C20orf96: variants seen among roughly 807,000 people sequenced by gnomAD.
C20orf96 encodes the protein chromosome 20 open reading frame 96.
C20orf96 carries 57 observed loss-of-function variants against 52.6 expected under a neutral mutation model. The observed-to-expected ratio is 1.08, with a 90% CI of 0.88 to 1.35. The LOEUF (loss-of-function observed/expected upper bound fraction) is 1.35, where lower values mean the gene tolerates loss of function less well. C20orf96 is among the 40% of genes most tolerant of loss of function. C20orf96 has a pLI of 0.00. For synonymous variants in C20orf96, 168 were observed against 157.2 expected (o/e 1.07, Z -0.51); for missense variants, 478 against 443.6 (o/e 1.08, Z -0.70).
At chr20:278,515 G>A (rs6035505) in intron 5 of C20orf96, 86 bp from the exon 6 acceptor site, 322,224 of 937,070 alleles carry the variant, frequency 0.34, 57,020 homozygotes, top group East Asian at 0.38. Flanking sequence ...GGAGTCCCCA[G>A]TCCCAACCTC....
intron 1 of C20orf96, 121 bp from the exon 2 acceptor site, chr20:290,428 C>G: frequency 6.5e-7 from 1 of 1,545,540 alleles, no homozygotes; most frequent in South Asian, 1.2e-5. Context: ...GGACAATAGC[C>G]CCGCGGGAGT....
At chr20:272,106 GA>G (rs569647013) in intron 10 of C20orf96, among the ~76,000 whole-genome samples, 2,425 of 123,462 alleles carry the variant, frequency 0.02, 30 homozygotes, top group Middle Eastern at 0.047. Context: ...AACCAACATA[GA>G]AAAAAAAAAA....
intron 3 of C20orf96, among the ~76,000 whole-genome samples, chr20:285,139 A>C (rs2012351169): frequency 1.3e-5 from 2 of 152,232 alleles, no homozygotes; most frequent in African/African-American, 4.8e-5. Flanking sequence ...CCACAACACC[A>C]GACGAAGGCA....
chr20:278,426 T>C lies in C20orf96; in HGVS notation c.469A>G (p.Ile157Val), dbSNP rs2012100507. ...LLQQQDTLAT[I>V]IDILEYSNKK... ...TTTGAGTACTCCAAGATGTCGATGA[T>C]GGTCTGCGGGAGGGGTGGAGTCAAC... Residue 157 changes from isoleucine to valine, a missense_variant, in exon 6 of 11, where the codon ATC (isoleucine) becomes GTC (valine). Ile to Val is a conservative substitution (Grantham distance 29). Transcript: ENST00000360321. The C allele has an allele frequency of 1.2e-6, 2 of 1,613,504 alleles. No homozygotes were observed. The highest frequency in any genetic ancestry group is 1.7e-5 in the Admixed American group (1 of 60,014).
In C20orf96 at chr20:279,343, G is replaced by A. The variant is rs756424913; in HGVS notation, c.307-13C>T. ...TCCTGAGCGAGGTCTGCGGGCGGAG[G>A]GAAGAGCAGAGAGGCGGCGCTGCGC... is the stretch of plus-strand genomic sequence containing the variant. On this transcript the variant is annotated splice_polypyrimidine_tract_variant and intron_variant, in intron 4 of 10. Transcript: ENST00000360321. 1.9e-6 allele frequency: 3 copies of A among 1,600,030 alleles called. No individual in the cohort carries two copies. The highest frequency in any genetic ancestry group is 1.1e-5 in the South Asian group (1 of 90,966).
chr20:272,862 T>C (rs762851613), intron 10 of C20orf96, among the ~76,000 whole-genome samples: 1 of 152,158 alleles, frequency 6.6e-6, no homozygotes, highest in Non-Finnish European at 1.5e-5. Flanking sequence ...ATTTCTCCCA[T>C]TTCTTCTGCC....
chr20:287,103 T>C (rs1445314562), intron 3 of C20orf96, among the ~76,000 whole-genome samples: 1 of 152,242 alleles, frequency 6.6e-6, no homozygotes, highest in Non-Finnish European at 1.5e-5. Flanking sequence ...TGAGGAATTA[T>C]GAACGAGGCT....
At chr20:285,618 G>A (rs539363885) in intron 3 of C20orf96, among the ~76,000 whole-genome samples, 37 of 152,232 alleles carry the variant, frequency 2.4e-4, no homozygotes, top group Admixed American at 5.2e-4. Flanking sequence ...TATTAGCTCC[G>A]TTGCCCAGGC....
chr20:288,423 G>A (rs1359075317), intron 3 of C20orf96, among the ~76,000 whole-genome samples: 1 of 152,036 alleles, frequency 6.6e-6, no homozygotes, highest in Non-Finnish European at 1.5e-5. Flanking sequence ...GATGAGTGGG[G>A]AGGTCATCTT....
chr20:285,642 C>T (rs199626454), intron 3 of C20orf96, among the ~76,000 whole-genome samples: 1 of 152,144 alleles, frequency 6.6e-6, no homozygotes, highest in Non-Finnish European at 1.5e-5. Flanking sequence ...TGTTCAATGG[C>T]GAGATCTCGG....
chr20:276,110 G>T (rs200889477), intron 9 of C20orf96, 24 bp from the exon 10 acceptor site: 6 of 1,602,890 alleles, frequency 3.7e-6, no homozygotes, highest in Non-Finnish European at 5.1e-6. Context: ...CACAGCAGGG[G>T]AGAAGGGAGA....
intron 4 of C20orf96, 137 bp from the exon 5 acceptor site, chr20:279,467 G>A: frequency 1.0e-6 from 1 of 994,190 alleles, no homozygotes; most frequent in Non-Finnish European, 1.4e-6. Flanking sequence ...CGCGGCCCAA[G>A]CTGGGCGGTT....
intron 3 of C20orf96, among the ~76,000 whole-genome samples, chr20:287,929 A>C (rs1487372170): frequency 6.7e-6 from 1 of 150,146 alleles, no homozygotes; most frequent in African/African-American, 2.4e-5. Context: ...AAAAAAAAAA[A>C]AGTCTTTCAC....
intron 10 of C20orf96, among the ~76,000 whole-genome samples, chr20:275,129 T>C (rs1006691742): frequency 2.6e-5 from 4 of 152,214 alleles, no homozygotes; most frequent in African/African-American, 2.4e-5. Flanking sequence ...TAAGAGTCAC[T>C]TTTGCAGTGG....
rs59153605 is a variant in C20orf96 at position 289,440 on chromosome 20, G to A, written c.187+119C>T. ...ACTTCTATATCAATACTTGCAATTT[G>A]GGCATTGTTTATTACATCAGTTAGC... On this transcript the variant is annotated intron_variant, in intron 3 of 10. Transcript: ENST00000360321. 5.0e-4 allele frequency: 349 copies of A among 699,544 alleles called. No individual in the cohort carries two copies. In the East Asian group the frequency reaches 7.5e-3, roughly 15 times the overall value. The allele number at this position is 699,544 out of a possible 1,614,324, so 43.3% of individuals were successfully genotyped here.
rs1485092665 is a variant in C20orf96 at position 277,274 on chromosome 20, C to G, written c.675G>C (p.Gln225His). 4 of 1,614,066 alleles carry G rather than the reference C, an allele frequency of 2.5e-6. No homozygotes were observed. Among genetic ancestry groups the G allele is most frequent in the Non-Finnish European group, 2.5e-6 (3 of 1,180,050 alleles). Reference protein sequence around the residue: ...MDHEYSIKSVQISTLMRQLQQ... With the variant: ...MDHEYSIKSVHISTLMRQLQQ... ...GCAGCTGGCGCATAAGAGTGGAGAT[C>G]TGGACAGACTTGATGGAATACTCAT... The change falls in exon 7 of 11, where the codon CAG becomes CAC. Residue 225 changes from glutamine to histidine, a missense_variant. Gln to His is a conservative substitution (Grantham distance 24). Transcript: ENST00000360321.
Position 277,063 on chromosome 20 carries a change from A to AT in C20orf96, c.805dup (p.Ile269AsnfsTer14), listed in dbSNP as rs767503091. 1.2e-6 allele frequency: 2 copies of AT among 1,613,572 alleles called. No homozygotes were observed. Among genetic ancestry groups the AT allele is most frequent in the East Asian group, 2.2e-5 (1 of 44,874 alleles). On this transcript the variant is annotated frameshift_variant, in exon 8 of 11. Transcript: ENST00000360321. LOFTEE classifies it high-confidence loss of function. ...ACTCACCGCCACCACAGAACTCAGA[A>AT]TTTTTTTCTTCTTCTTCTGAATCTT... is the stretch of plus-strand genomic sequence containing the variant.
At chr20:287,876 C>T (rs6082246) in intron 3 of C20orf96, among the ~76,000 whole-genome samples, 55,100 of 142,466 alleles carry the variant, frequency 0.39, 10,942 homozygotes, top group East Asian at 0.51. Flanking sequence ...ACCACTGCAC[C>T]CTGGCCTGAG....
intron 10 of C20orf96, among the ~76,000 whole-genome samples, chr20:273,682 C>T (rs966104539): frequency 3.3e-5 from 5 of 151,850 alleles, no homozygotes; most frequent in African/African-American, 1.2e-4. Flanking sequence ...TTGAGACCAG[C>T]CTGGCCAACA....
Sources: gnomAD v4.1 joint callset for allele counts (sites outside exome capture counted in the v4.1 genomes callset) on GRCh38, gnomAD v4.1.1 for gene constraint, MANE v1.5 for transcripts, NCBI Gene and HGNC (gene_info 2026-07-23, HGNC 2026-07-21) for gene names.